The following ARHGAP17 variants were observed in gnomAD, a reference collection of about 807,000 sequenced individuals.
The protein encoded by ARHGAP17 is Rho GTPase activating protein 17.
In ARHGAP17, 57 loss-of-function variants were observed where a neutral mutation model predicts 99.5. That is an observed-to-expected ratio of 0.57 (90% confidence interval 0.46 to 0.71). The LOEUF is 0.71. ARHGAP17 is among the 30% of genes least tolerant of loss of function. The pLI, the probability that ARHGAP17 is intolerant of heterozygous loss-of-function variation, is 0.00. For synonymous variants in ARHGAP17, 417 were observed against 429.6 expected (o/e 0.97, Z 0.36); for missense variants, 1,000 against 1,122.4 (o/e 0.89, Z 1.56).
At chr16:24,976,769 C>T (rs753450287) in intron 3 of ARHGAP17, among the ~76,000 whole-genome samples, 3 of 152,144 alleles carry the variant, frequency 2.0e-5, no homozygotes, top group Non-Finnish European at 2.9e-5. Flanking sequence ...ACTGAGGGCA[C>T]AGGAGAGAGA....
intron 6 of ARHGAP17, among the ~76,000 whole-genome samples, chr16:24,965,375 C>A (rs1484737749): frequency 1.3e-5 from 2 of 152,168 alleles, no homozygotes; most frequent in African/African-American, 4.8e-5. Flanking sequence ...GAGGCTGAGG[C>A]AGGAGAATGG....
intron 1 of ARHGAP17, among the ~76,000 whole-genome samples, chr16:25,009,394 G>C (rs916671549): frequency 1.3e-5 from 2 of 151,014 alleles, no homozygotes; most frequent in African/African-American, 4.9e-5. Flanking sequence ...TGGGGGGAAG[G>C]AAAGGTAGAG....
At chr16:24,992,732 T>C (rs1233927422) in intron 1 of ARHGAP17, among the ~76,000 whole-genome samples, 1 of 152,234 alleles carries the variant, frequency 6.6e-6, no homozygotes, top group East Asian at 1.9e-4. Context: ...ACAGTACTCC[T>C]GTTCAAGAAA....
At chr16:24,924,551 G>C (rs1206380382) in intron 19 of ARHGAP17, among the ~76,000 whole-genome samples, 2 of 151,868 alleles carry the variant, frequency 1.3e-5, no homozygotes, top group Non-Finnish European at 2.9e-5. Flanking sequence ...CAACCAAAGA[G>C]GTTTAGGGTG....
intron 1 of ARHGAP17, 116 bp downstream of exon 1, chr16:25,015,093 C>A (rs2053749254): frequency 9.6e-7 from 1 of 1,036,620 alleles, no homozygotes; most frequent in Non-Finnish European, 1.2e-6. Flanking sequence ...TGGTCTCGGG[C>A]AGGGGCTGCG....
chr16:24,967,026 A>T (rs569642399), intron 6 of ARHGAP17, among the ~76,000 whole-genome samples: 3 of 152,346 alleles, frequency 2.0e-5, no homozygotes, highest in African/African-American at 7.2e-5. Flanking sequence ...CACCTAATTG[A>T]TATCAGTTGA....
chr16:24,987,507 G>A (rs2052907930), intron 1 of ARHGAP17, among the ~76,000 whole-genome samples: 1 of 152,152 alleles, frequency 6.6e-6, no homozygotes, highest in African/African-American at 2.4e-5. Context: ...GCATTTCAGA[G>A]GTTGAGAGAC....
At position 25,015,139 on chromosome 16, in the gene ARHGAP17, T is replaced by TGG; in HGVS notation, c.53+69_53+70insCC. ...GAGCCGCCGGACCGCGGAGGAGCCGTCCCGCCCCCGCGCCCTCCGCCCTCC... is the reference window on the plus strand; with the variant it reads ...GAGCCGCCGGACCGCGGAGGAGCCGTGGCCCGCCCCCGCGCCCTCCGCCCTCC... On this transcript the variant is annotated intron_variant, in intron 1 of 19. Coordinates refer to ENST00000289968, the MANE Select transcript of ARHGAP17 (RefSeq NM_001006634.3). The TGG allele has an allele frequency of 4.2e-6, 5 of 1,195,732 alleles. No homozygotes were observed. In the African/African-American group the frequency reaches 5.1e-5, roughly 12 times the overall value. 74.1% of individuals were successfully genotyped at this position (1,195,732 alleles called of 1,614,324 possible).
intron 1 of ARHGAP17, among the ~76,000 whole-genome samples, chr16:25,010,194 G>A (rs2053608266): frequency 6.6e-6 from 1 of 151,726 alleles, no homozygotes; most frequent in Non-Finnish European, 1.5e-5. Context: ...TCCCACCTCA[G>A]CCTCCCAAGC....
intron 14 of ARHGAP17, among the ~76,000 whole-genome samples, chr16:24,946,904 A>T (rs1275215824): frequency 6.6e-6 from 1 of 152,168 alleles, no homozygotes. Flanking sequence ...TCCTTTTCCT[A>T]TGGGAACTCC....
At chr16:25,010,549 T>C (rs1256271005) in intron 1 of ARHGAP17, among the ~76,000 whole-genome samples, 1 of 152,138 alleles carries the variant, frequency 6.6e-6, no homozygotes, top group Non-Finnish European at 1.5e-5. Context: ...TTTCAACAAA[T>C]CCAAAGAACT....
intron 1 of ARHGAP17, among the ~76,000 whole-genome samples, chr16:25,001,930 A>G (rs1243660737): frequency 6.6e-6 from 1 of 152,010 alleles, no homozygotes; most frequent in Non-Finnish European, 1.5e-5. Context: ...AAAATACAAA[A>G]ATTAGCCGGG....
chr16:24,983,440 G>A (rs8045116), intron 1 of ARHGAP17, among the ~76,000 whole-genome samples: 14,312 of 151,776 alleles, frequency 0.094, 762 homozygotes, highest in Middle Eastern at 0.2. Context: ...TAGCTGGGAC[G>A]AGAGATGCGC....
intron 1 of ARHGAP17, among the ~76,000 whole-genome samples, chr16:24,994,370 T>C (rs1204061176): frequency 6.6e-6 from 1 of 152,202 alleles, no homozygotes; most frequent in East Asian, 1.9e-4. Flanking sequence ...ATCAACAAAT[T>C]CAACCACAGG....
At chr16:24,926,339 C>T (rs1043455405) in intron 19 of ARHGAP17, among the ~76,000 whole-genome samples, 2 of 151,978 alleles carry the variant, frequency 1.3e-5, no homozygotes, top group Non-Finnish European at 2.9e-5. Flanking sequence ...CAGCTCACTG[C>T]GACCTCCACC....
intron 19 of ARHGAP17, among the ~76,000 whole-genome samples, chr16:24,925,215 C>T (rs1334903946): frequency 6.6e-6 from 1 of 152,094 alleles, no homozygotes; most frequent in Non-Finnish European, 1.5e-5. Flanking sequence ...CCTGTCTCTA[C>T]TAAAAATACA....
intron 1 of ARHGAP17, among the ~76,000 whole-genome samples, chr16:24,980,746 G>A (rs1379075473): frequency 1.3e-5 from 2 of 152,048 alleles, no homozygotes; most frequent in Non-Finnish European, 2.9e-5. Context: ...CATTCCTCTC[G>A]CCAATGCCTC....
intron 16 of ARHGAP17, 149 bp downstream of exon 16, chr16:24,941,838 T>C: frequency 9.5e-7 from 1 of 1,048,806 alleles, no homozygotes; most frequent in Non-Finnish European, 1.4e-6. Flanking sequence ...TGGAATGACC[T>C]ACAGCAGAAT....
Position 24,968,761 on chromosome 16 carries a change from T to TC in ARHGAP17, c.283dup (p.Glu95GlyfsTer7). The TC allele has an allele frequency of 6.2e-7, 1 of 1,614,190 alleles. No individual in the cohort carries two copies. The highest frequency in any genetic ancestry group is 8.5e-7 in the Non-Finnish European group (1 of 1,180,028). On this transcript the variant is annotated frameshift_variant, in exon 5 of 20. Coordinates refer to ENST00000289968, the MANE Select transcript of ARHGAP17 (RefSeq NM_001006634.3). LOFTEE classifies it high-confidence loss of function. ...CTGATTCTCAGCATCTCCACACGTCTCCAGCATCTTCCTTTAAAAACAAGA... is the reference window on the plus strand; with the variant it reads ...CTGATTCTCAGCATCTCCACACGTCTCCCAGCATCTTCCTTTAAAAACAAGA...
Sources: gnomAD v4.1 joint callset for allele counts (sites outside exome capture counted in the v4.1 genomes callset) on GRCh38, gnomAD v4.1.1 for gene constraint, MANE v1.5 for transcripts, NCBI Gene and HGNC (gene_info 2026-07-23, HGNC 2026-07-21) for gene names.